BRAF: variants seen among roughly 807,000 people sequenced by gnomAD.
BRAF encodes serine/threonine-protein kinase B-raf.
A neutral mutation model predicts 104.6 loss-of-function variants in BRAF; 16 were observed. The ratio of observed to expected loss-of-function variants is 0.15; its 90% confidence interval spans 0.10 to 0.23. BRAF has a LOEUF of 0.23. BRAF is among the 10% of genes least tolerant of loss of function. BRAF has a pLI of 1.00. For missense variants in BRAF, 541 were observed against 937.3 expected (o/e 0.58, Z 5.52); for synonymous variants, 310 against 341.6 (o/e 0.91, Z 1.02).
At chr7:140,748,933 T>C (rs903726984) in intron 17 of BRAF, 2 of 187,912 alleles carry the variant, frequency 1.1e-5, no homozygotes, top group Admixed American at 5.7e-5. Flanking sequence ...GCTGAGTACC[T>C]GTTCTGACAG....
chr7:140,741,867 G>A (rs1796948132), intron 17 of BRAF: 1 of 151,828 alleles, frequency 6.6e-6, no homozygotes, highest in South Asian at 2.1e-4. Context: ...CTGAGGCAAG[G>A]AATTGATTGA....
intron 18 of BRAF, among the ~76,000 whole-genome samples, chr7:140,736,432 CTT>C (rs555561950): frequency 1.5e-5 from 2 of 132,604 alleles, no homozygotes; most frequent in African/African-American, 2.8e-5. Context: ...CTGAACACCA[CTT>C]TTTTTTTTTG....
chr7:140,776,213 G>C (rs1432608010), intron 14 of BRAF, among the ~76,000 whole-genome samples: 1 of 152,110 alleles, frequency 6.6e-6, no homozygotes, highest in East Asian at 1.9e-4. Context: ...ACAAAATTCA[G>C]ATCATATCTA....
Position 140,896,154 on chromosome 7 carries a change from A to G in BRAF, c.138+28412T>C, listed in dbSNP as rs147535035. Among the ~76,000 whole-genome samples, 119 of 152,244 alleles carry G rather than the reference A, an allele frequency of 7.8e-4. 1 individual carries two copies. Among genetic ancestry groups the G allele is most frequent in the African/African-American group, 2.4e-3 (98 of 41,520 alleles). Reference sequence around the variant, plus strand: ...TTTCCCAAGTCTTCTACAGTTTTATAGCAGCCATCCTACCTGGGGCCAGAT... The same window carrying G: ...TTTCCCAAGTCTTCTACAGTTTTATGGCAGCCATCCTACCTGGGGCCAGAT... On this transcript the variant is annotated intron_variant, in intron 1 of 19. Coordinates refer to ENST00000644969, the MANE Select transcript of BRAF (RefSeq NM_001374258.1).
intron 8 of BRAF, among the ~76,000 whole-genome samples, chr7:140,788,850 A>T (rs998319166): frequency 2.0e-5 from 3 of 151,720 alleles, no homozygotes; most frequent in Non-Finnish European, 4.4e-5. Context: ...CAGCCTCCCA[A>T]AGTGCTGGGA....
chr7:140,776,008 G>A (rs1180412306), intron 14 of BRAF, among the ~76,000 whole-genome samples: 1 of 152,106 alleles, frequency 6.6e-6, no homozygotes, highest in African/African-American at 2.4e-5. Context: ...AGTGGTTATG[G>A]GGAAAGAATA....
At position 140,739,795 on chromosome 7, in the gene BRAF, A is replaced by G; in HGVS notation, c.2247+17T>C. On this transcript the variant is annotated intron_variant, in intron 18 of 19. Transcript: ENST00000644969. The stretch of plus-strand genomic sequence containing the variant: ...ATGTTAGTCTGTTCTTTTGGATAGC[A>G]TGAAGCTTTTACTTACTTGGGGAAA... 1 of 1,611,736 alleles carries G rather than the reference A, an allele frequency of 6.2e-7. No individual in the cohort carries two copies. Among genetic ancestry groups the G allele is most frequent in the Non-Finnish European group, 8.5e-7 (1 of 1,179,824 alleles).
At chr7:140,876,668 G>A (rs747263248) in intron 1 of BRAF, among the ~76,000 whole-genome samples, 5 of 152,110 alleles carry the variant, frequency 3.3e-5, no homozygotes, top group Non-Finnish European at 7.4e-5. Flanking sequence ...AAAACTTACA[G>A]AACATTACAA....
intron 1 of BRAF, among the ~76,000 whole-genome samples, chr7:140,920,482 T>G (rs1248223378): frequency 6.6e-6 from 1 of 152,186 alleles, no homozygotes; most frequent in East Asian, 1.9e-4. Context: ...CCACCTCCTA[T>G]TCATTCTAAT....
In BRAF at chr7:140,808,957, T is replaced by C. The variant is rs780902359; in HGVS notation, c.543A>G (p.Leu181=). Reference sequence around the variant, plus strand: ...GACCTCTCATCATCAGTGCTTTCTTTAGACTGTCTCGGACTGTAACTCCAC... The same window carrying C: ...GACCTCTCATCATCAGTGCTTTCTTCAGACTGTCTCGGACTGTAACTCCAC... ...ARCGVTVRDS[L]KKALMMRGLI... is the part of the protein sequence containing the mutation. The change falls in exon 4 of 20, where the codon CTA becomes CTG. Residue 181 remains leucine (L), a synonymous_variant. Transcript: ENST00000644969. 1.2e-6 allele frequency: 2 copies of C among 1,613,106 alleles called. No homozygotes were observed. The highest frequency in any genetic ancestry group is 2.7e-5 in the African/African-American group (2 of 74,876).
At chr7:140,895,822 T>C (rs895179800) in intron 1 of BRAF, among the ~76,000 whole-genome samples, 3 of 152,200 alleles carry the variant, frequency 2.0e-5, no homozygotes, top group African/African-American at 7.2e-5. Context: ...CTTTACCCAA[T>C]CTTCTGTTGT....
chr7:140,919,146 CAAAAA>C (rs572137875), intron 1 of BRAF, among the ~76,000 whole-genome samples: 2 of 91,850 alleles, frequency 2.2e-5, no homozygotes, highest in African/African-American at 3.1e-5. Flanking sequence ...GACTCCGTCT[CAAAAA>C]AAAAAAAAAA....
At chr7:140,896,886 G>T (rs1461584637) in intron 1 of BRAF, among the ~76,000 whole-genome samples, 1 of 147,696 alleles carries the variant, frequency 6.8e-6, no homozygotes, top group African/African-American at 2.5e-5. Flanking sequence ...AAAAAAAGGG[G>T]TGGGGGGGGA....
chr7:140,893,308 G>A (rs1259319263), intron 1 of BRAF, among the ~76,000 whole-genome samples: 1 of 150,168 alleles, frequency 6.7e-6, no homozygotes. Context: ...GGAGTGCAGT[G>A]GCGCGATCTC....
chr7:140,892,836 A>T (rs1814404036), intron 1 of BRAF, among the ~76,000 whole-genome samples: 1 of 152,234 alleles, frequency 6.6e-6, no homozygotes, highest in East Asian at 1.9e-4. Flanking sequence ...CACATAAAAT[A>T]AAAGCAGTTA....
intron 1 of BRAF, among the ~76,000 whole-genome samples, chr7:140,875,556 T>G (rs1217038095): frequency 6.6e-6 from 1 of 152,184 alleles, no homozygotes; most frequent in Non-Finnish European, 1.5e-5. Context: ...TTTTGTACTT[T>G]TAGTACAGAC....
chr7:140,861,043 T>C (rs1238542584), intron 1 of BRAF, among the ~76,000 whole-genome samples: 1 of 152,154 alleles, frequency 6.6e-6, no homozygotes, highest in African/African-American at 2.4e-5. Flanking sequence ...AAACATAATA[T>C]TGATGAAAAA....
At chr7:140,757,784 C>G (rs1798330380) in intron 14 of BRAF, among the ~76,000 whole-genome samples, 1 of 152,144 alleles carries the variant, frequency 6.6e-6, no homozygotes, top group Non-Finnish European at 1.5e-5. Context: ...AATAATTCCT[C>G]ACATAAGTTA....
intron 19 of BRAF, among the ~76,000 whole-genome samples, chr7:140,729,737 C>A (rs1179313964): frequency 6.6e-6 from 1 of 152,132 alleles, no homozygotes; most frequent in East Asian, 1.9e-4. Context: ...GAGCTCACAC[C>A]ACTGCACTCC....
Sources: gnomAD v4.1 joint callset for allele counts (sites outside exome capture counted in the v4.1 genomes callset) on GRCh38, gnomAD v4.1.1 for gene constraint, MANE v1.5 for transcripts, NCBI Gene and HGNC (gene_info 2026-07-23, HGNC 2026-07-21) for gene names.